The following ABCA13 variants were observed in gnomAD, a reference collection of about 807,000 sequenced individuals.
The protein encoded by ABCA13 is ATP binding cassette subfamily A member 13.
ABCA13 carries 476 observed loss-of-function variants against 478.7 expected under a neutral mutation model. The ratio of observed to expected loss-of-function variants is 0.99; its 90% CI spans 0.92 to 1.07. The LOEUF (loss-of-function observed/expected upper bound fraction) is 1.07. Ranked by LOEUF, ABCA13 falls within the 50% of genes least tolerant of loss-of-function variation. ABCA13 has a pLI of 0.00. For synonymous variants in ABCA13, 2,252 were observed against 2,158.9 expected, an observed-to-expected ratio of 1.04 and a Z score of -1.20; for missense variants, 6,060 against 5,910.6, an observed-to-expected ratio of 1.03 and a Z score of -0.83.
At chr7:48,210,936 G>T (rs924459403) in intron 3 of ABCA13, among the ~76,000 whole-genome samples, 4 of 152,132 alleles carry the variant, frequency 2.6e-5, no homozygotes, top group African/African-American at 9.7e-5. Context: ...AAAATATGGG[G>T]TGTCAAAGTC....
intron 41 of ABCA13, among the ~76,000 whole-genome samples, chr7:48,416,275 A>G (rs1819970575): frequency 6.6e-6 from 1 of 152,244 alleles, no homozygotes; most frequent in South Asian, 2.1e-4. Context: ...AGAGGCCACC[A>G]GTGCTCCTAT....
intron 1 of ABCA13, among the ~76,000 whole-genome samples, chr7:48,180,381 A>G (rs185323968): frequency 6.6e-6 from 1 of 152,226 alleles, no homozygotes; most frequent in Non-Finnish European, 1.5e-5. Flanking sequence ...AATTATCCTA[A>G]CATACTACTC....
chr7:48,480,220 C>T (rs941372716), intron 45 of ABCA13, among the ~76,000 whole-genome samples: 3 of 152,156 alleles, frequency 2.0e-5, no homozygotes, highest in African/African-American at 7.2e-5. Context: ...CCATATAACC[C>T]CCACCAGTTT....
At chr7:48,606,204 C>G (rs2131513195) in intron 58 of ABCA13, among the ~76,000 whole-genome samples, 1 of 152,298 alleles carries the variant, frequency 6.6e-6, no homozygotes, top group Middle Eastern at 3.4e-3. Context: ...CCTTCTGAAG[C>G]CTACTTCTGT....
At chr7:48,569,518 G>C (rs1299056564) in intron 55 of ABCA13, among the ~76,000 whole-genome samples, 1 of 151,878 alleles carries the variant, frequency 6.6e-6, no homozygotes, top group Admixed American at 6.6e-5. Flanking sequence ...GAGTTTTTTT[G>C]TTTGCTTGTT....
In ABCA13 at chr7:48,495,432, G is replaced by A. The variant is rs76803735; in HGVS notation, c.13291+6088G>A. Among the ~76,000 whole-genome samples, 1,499 of 152,126 alleles carry A rather than the reference G, an allele frequency of 9.9e-3. 30 individuals are homozygous for A. Among genetic ancestry groups the A allele is most frequent in the African/African-American group, 0.034 (1,401 of 41,498 alleles). The stretch of plus-strand genomic sequence containing the variant: ...TGCATTATTTCAATTATTTTAAATT[G>A]GTTGAAGTTCATTTTATGGTCAGGA... On this transcript the variant is annotated intron_variant, in intron 48 of 61. Coordinates refer to ENST00000435803, the MANE Select transcript of ABCA13 (RefSeq NM_152701.5).
intron 45 of ABCA13, among the ~76,000 whole-genome samples, chr7:48,473,052 A>T (rs187317909): frequency 6.5e-4 from 99 of 152,296 alleles, no homozygotes; most frequent in Admixed American, 4.1e-3. Flanking sequence ...AATGAGAACC[A>T]AGGGAAATGG....
At chr7:48,277,900 CTT>C (rs1796509896) in intron 17 of ABCA13, among the ~76,000 whole-genome samples, 192 bp from the exon 18 acceptor site, 1 of 152,192 alleles carries the variant, frequency 6.6e-6, no homozygotes, top group East Asian at 1.9e-4. Flanking sequence ...ATTCCTCACT[CTT>C]TTCATTATTT....
At chr7:48,198,152 T>C in intron 2 of ABCA13, 85 bp from the exon 3 acceptor site, 15 of 1,292,936 alleles carry the variant, frequency 1.2e-5, no homozygotes, top group Non-Finnish European at 1.6e-5. Context: ...TAATATGATG[T>C]TATATATTAC....
At chr7:48,304,907 G>C (rs1248370403) in intron 23 of ABCA13, among the ~76,000 whole-genome samples, 2 of 152,178 alleles carry the variant, frequency 1.3e-5, no homozygotes, top group Non-Finnish European at 2.9e-5. Flanking sequence ...TACCCTTCCA[G>C]TGTGAAGATG....
chr7:48,202,077 A>C (rs1236392582), intron 3 of ABCA13, among the ~76,000 whole-genome samples: 1 of 152,154 alleles, frequency 6.6e-6, no homozygotes. Context: ...TGACTGTTAC[A>C]TCTCATAAAA....
chr7:48,537,671 G>A (rs974180652), intron 55 of ABCA13, among the ~76,000 whole-genome samples: 3 of 152,228 alleles, frequency 2.0e-5, no homozygotes, highest in South Asian at 4.1e-4. Flanking sequence ...TGGGAAAGAC[G>A]GTTACAGAAC....
Position 48,274,730 on chromosome 7 carries a change from C to T in ABCA13, c.5064C>T (p.Asn1688=), listed in dbSNP as rs1481880906. ...LVDQLEQVSV[N]LMDFFKNISS... is the part of the protein sequence containing the mutation. ...ATCAGCTTGAACAAGTTAGTGTAAA[C>T]CTAATGGATTTCTTTAAGAATATCA... The change falls in exon 17 of 62, where the codon AAC becomes AAT. Residue 1688 remains asparagine, a synonymous_variant. Coordinates refer to ENST00000435803, the MANE Select transcript of ABCA13 (RefSeq NM_152701.5). 6.2e-7 allele frequency: 1 copy of T among 1,613,918 alleles called. No individual in the cohort carries two copies. The highest frequency in any genetic ancestry group is 1.3e-5 in the African/African-American group (1 of 75,022).
intron 51 of ABCA13, among the ~76,000 whole-genome samples, chr7:48,513,964 T>C (rs1054886207): frequency 6.6e-6 from 1 of 152,158 alleles, no homozygotes; most frequent in Non-Finnish European, 1.5e-5. Context: ...TGATTCTTTG[T>C]TTTTCTTAAA....
chr7:48,554,418 A>G (rs1265349295), intron 55 of ABCA13, among the ~76,000 whole-genome samples: 1 of 152,054 alleles, frequency 6.6e-6, no homozygotes, highest in Non-Finnish European at 1.5e-5. Flanking sequence ...TTTGGGAAAT[A>G]TGGATATTCT....
chr7:48,220,536 A>C (rs1298870731), intron 4 of ABCA13, among the ~76,000 whole-genome samples: 5 of 152,194 alleles, frequency 3.3e-5, no homozygotes, highest in Admixed American at 3.3e-4. Context: ...AACATGAAGA[A>C]TGGGCTTCCC....
chr7:48,574,352 GC>G lies in ABCA13; in HGVS notation c.14355-5869del, dbSNP rs370425868. Among the ~76,000 whole-genome samples, 173 of 152,136 alleles carry G rather than the reference GC, an allele frequency of 1.1e-3. 1 individual carries two copies. The highest frequency in any genetic ancestry group is 4.1e-3 in the African/African-American group (169 of 41,500). ...TTTCCGGAGGCTTCACTGTTCAATG[GC>G]CCTGACTGAAAGCCACGTTCATTTG... On this transcript the variant is annotated intron_variant, in intron 55 of 61. Coordinates refer to ENST00000435803, the MANE Select transcript of ABCA13 (RefSeq NM_152701.5).
intron 41 of ABCA13, among the ~76,000 whole-genome samples, chr7:48,413,839 G>A (rs960296023): frequency 5.3e-5 from 8 of 152,194 alleles, no homozygotes; most frequent in East Asian, 3.8e-4. Flanking sequence ...CTGAAACTCC[G>A]TAACTTATTA....
At chr7:48,624,348 A>G (rs186881584) in intron 59 of ABCA13, among the ~76,000 whole-genome samples, 164 of 152,102 alleles carry the variant, frequency 1.1e-3, no homozygotes, top group African/African-American at 3.8e-3. Context: ...TGCGGCATCT[A>G]TTTGCTTTTC....
Sources: allele counts gnomAD v4.1 joint callset (sites outside exome capture counted in the v4.1 genomes callset), GRCh38; gene constraint gnomAD v4.1.1; transcripts MANE v1.5; gene names NCBI Gene and HGNC (gene_info 2026-07-23, HGNC 2026-07-21).